Variants in CDC16 observed in about 807,000 individuals in gnomAD.
CDC16 encodes the protein cell division cycle 16.
In CDC16, 34 loss-of-function variants were observed where a neutral mutation model predicts 87.0. The observed-to-expected ratio is 0.39, with a 90% CI of 0.30 to 0.52. CDC16 has a LOEUF of 0.52. Among genes scored for constraint, CDC16 ranks in the 20% least tolerant of loss-of-function variants. The probability of loss-of-function intolerance (pLI) is 0.74; values close to 1 mark genes in which losing one functional copy is unlikely to be tolerated. For synonymous variants in CDC16, 263 were observed against 260.6 expected (o/e 1.01, Z -0.09); for missense variants, 653 against 751.9 (o/e 0.87, Z 1.54).
At chr13:114,242,008 C>T (rs2081575724) in intron 5 of CDC16, 113 bp from the exon 6 acceptor site, 1 of 1,230,052 alleles carries the variant, frequency 8.1e-7, no homozygotes, top group Non-Finnish European at 1.1e-6. Context: ...GCTATGATCG[C>T]ACCACTGAAC....
Position 114,266,567 on chromosome 13 carries a change from C to CTA in CDC16, c.1603+1328_1603+1329dup, listed in dbSNP as rs1385439323. Among the ~76,000 whole-genome samples the CTA allele has an allele frequency of 2.0e-5, 3 of 152,232 alleles. No individual in the cohort carries two copies. In the East Asian group the frequency reaches 5.8e-4, roughly 29 times the overall value. On this transcript the variant is annotated intron_variant, in intron 17 of 17. Coordinates refer to ENST00000356221, the MANE Select transcript of CDC16 (RefSeq NM_001078645.3). ...ACTTGTGTGGTAGCTCATGGCACAC[C>CTA]TAGCAAACAGTTTCCCTGCCCCCTT...
chr13:114,262,056 A>G (rs2082891193), intron 15 of CDC16, 108 bp downstream of exon 15: 1 of 619,208 alleles, frequency 1.6e-6, no homozygotes, highest in Non-Finnish European at 2.8e-6. Flanking sequence ...GCTTTCTTGT[A>G]CTTGGCTGCT....
intron 8 of CDC16, chr13:114,244,509 G>C (rs978230942): frequency 5.9e-6 from 1 of 168,420 alleles, no homozygotes; most frequent in Non-Finnish European, 1.3e-5. Flanking sequence ...TGGTGCAAAA[G>C]TAATTGCAGT....
At chr13:114,248,549 C>T (rs1260599300) in intron 11 of CDC16, among the ~76,000 whole-genome samples, 1 of 152,076 alleles carries the variant, frequency 6.6e-6, no homozygotes, top group Non-Finnish European at 1.5e-5. Flanking sequence ...GACATGGTGG[C>T]ATGCACCTGT....
intron 11 of CDC16, among the ~76,000 whole-genome samples, chr13:114,249,068 T>A (rs2082020794): frequency 6.6e-6 from 1 of 151,830 alleles, no homozygotes; most frequent in African/African-American, 2.4e-5. Flanking sequence ...ATGAAATAAT[T>A]ATACAACTCA....
chr13:114,236,935 T>A, intron 3 of CDC16, 39 bp downstream of exon 3: 5 of 1,357,334 alleles, frequency 3.7e-6, no homozygotes, highest in Non-Finnish European at 5.1e-6. Context: ...TTCAGAGCTT[T>A]AAAAAAAATG....
chr13:114,265,467 C>T (rs1379386766), intron 17 of CDC16, among the ~76,000 whole-genome samples: 1 of 152,154 alleles, frequency 6.6e-6, no homozygotes, highest in Non-Finnish European at 1.5e-5. Flanking sequence ...TTGCTAAGTG[C>T]AAAATACCAC....
At chr13:114,247,420 G>A (rs17291243) in intron 11 of CDC16, among the ~76,000 whole-genome samples, 7,712 of 151,112 alleles carry the variant, frequency 0.051, 516 homozygotes, top group East Asian at 0.35. Context: ...CTCTTGCTTC[G>A]GCCTCCGAAA....
chr13:114,269,334 C>G (rs2083451268), intron 17 of CDC16, among the ~76,000 whole-genome samples: 1 of 152,194 alleles, frequency 6.6e-6, no homozygotes, highest in African/African-American at 2.4e-5. Context: ...CCGTCACGTT[C>G]TGTTCCATCA....
At chr13:114,266,668 A>G (rs902950136) in intron 17 of CDC16, among the ~76,000 whole-genome samples, 3 of 151,764 alleles carry the variant, frequency 2.0e-5, no homozygotes, top group African/African-American at 7.3e-5. Context: ...CTAACCCTAT[A>G]TATCTCAAAT....
chr13:114,243,727 A>G (rs2081685215), intron 7 of CDC16, 129 bp from the exon 8 acceptor site: 2 of 674,690 alleles, frequency 3.0e-6, no homozygotes, highest in Admixed American at 3.2e-5. Context: ...ACCTAAAGTT[A>G]TAAGTTTTCA....
At chr13:114,251,908 A>T (rs971836525) in intron 12 of CDC16, among the ~76,000 whole-genome samples, 1 of 150,610 alleles carries the variant, frequency 6.6e-6, no homozygotes, top group Non-Finnish European at 1.5e-5. Flanking sequence ...TATTGGATAA[A>T]AGCCTTACAC....
At chr13:114,236,001 C>T (rs1379482970) in intron 1 of CDC16, among the ~76,000 whole-genome samples, 1 of 152,178 alleles carries the variant, frequency 6.6e-6, no homozygotes, top group Non-Finnish European at 1.5e-5. Context: ...GTGGTCCTGG[C>T]TTGTCTCCAG....
chr13:114,271,381 A>T (rs1316470672), intron 17 of CDC16, among the ~76,000 whole-genome samples: 1 of 152,206 alleles, frequency 6.6e-6, no homozygotes, highest in East Asian at 1.9e-4. Flanking sequence ...GTTCAAATCT[A>T]TATTACCCTT....
rs769019067 is a variant in CDC16, at chr13:114,247,007, A to T, written c.971+3A>T. 1 of 1,597,632 alleles carries T rather than the reference A, an allele frequency of 6.3e-7. No homozygotes were observed. Among genetic ancestry groups the T allele is most frequent in the Non-Finnish European group, 8.6e-7 (1 of 1,165,230 alleles). ...GAACATGCCAGAAGATATCTCAGGT[A>T]TGAATTTATTTTTTTCCTCTCTAGT... On this transcript the variant is annotated splice_donor_region_variant and intron_variant, in intron 11 of 17. Coordinates refer to ENST00000356221, the MANE Select transcript of CDC16 (RefSeq NM_001078645.3).
intron 14 of CDC16, among the ~76,000 whole-genome samples, chr13:114,261,511 A>G (rs1283072516): frequency 3.3e-5 from 5 of 151,962 alleles, no homozygotes; most frequent in African/African-American, 4.8e-5. Flanking sequence ...TGGGATGGCC[A>G]GGGAGAGATG....
chr13:114,271,575 T>C (rs1256871665), intron 17 of CDC16, among the ~76,000 whole-genome samples: 2 of 151,706 alleles, frequency 1.3e-5, no homozygotes, highest in Admixed American at 6.6e-5. Flanking sequence ...CCTGGGTTCA[T>C]GCCATTCTCC....
intron 17 of CDC16, among the ~76,000 whole-genome samples, chr13:114,266,164 C>G (rs1188493989): frequency 6.6e-6 from 1 of 152,166 alleles, no homozygotes; most frequent in Non-Finnish European, 1.5e-5. Flanking sequence ...TCAAAAAGAT[C>G]AGGTAATGTG....
chr13:114,239,392 A>T lies in CDC16; in HGVS notation c.283A>T (p.Met95Leu). 1 of 1,612,624 alleles carries T rather than the reference A, an allele frequency of 6.2e-7. No homozygotes were observed. Among genetic ancestry groups the T allele is most frequent in the Non-Finnish European group, 8.5e-7 (1 of 1,178,714 alleles). The change falls in exon 5 of 18, where the codon ATG becomes TTG. Residue 95 changes from methionine to leucine, a missense_variant. Transcript: ENST00000356221. ...EHQQALDVLD[M>L]EEPINKRLFE... ...CCAGCAGGCCCTTGATGTTCTTGACATGGAAGAGCCCATCAATAAAAGATT... is the reference window on the plus strand; with the variant it reads ...CCAGCAGGCCCTTGATGTTCTTGACTTGGAAGAGCCCATCAATAAAAGATT...
Sources: allele counts gnomAD v4.1 joint callset (sites outside exome capture counted in the v4.1 genomes callset), GRCh38; gene constraint gnomAD v4.1.1; transcripts MANE v1.5; gene names NCBI Gene and HGNC (gene_info 2026-07-23, HGNC 2026-07-21).